The following GRID1 variants were observed in gnomAD, a reference collection of about 807,000 sequenced individuals.
GRID1 encodes the protein glutamate ionotropic receptor delta type subunit 1.
A neutral mutation model predicts 98.0 loss-of-function variants in GRID1; 28 were observed. The observed-to-expected ratio is 0.29, with a 90% CI of 0.21 to 0.39. GRID1 has a LOEUF of 0.39. GRID1 is among the 10% of genes least tolerant of loss of function. The pLI, the probability that GRID1 is intolerant of heterozygous loss-of-function variation, is 1.00. For missense variants in GRID1, 1,111 were observed against 1,340.5 expected (o/e 0.83, Z 2.67); for synonymous variants, 553 against 538.5 (o/e 1.03, Z -0.37).
At chr10:86,139,725 G>C (rs1245349552) in intron 3 of GRID1, among the ~76,000 whole-genome samples, 1 of 152,238 alleles carries the variant, frequency 6.6e-6, no homozygotes, top group African/African-American at 2.4e-5. Context: ...GGTTCAAGGA[G>C]GTACAGAGAG....
At chr10:86,332,162 G>A (rs1040320442) in intron 2 of GRID1, among the ~76,000 whole-genome samples, 3 of 152,222 alleles carry the variant, frequency 2.0e-5, no homozygotes, top group South Asian at 2.1e-4. Flanking sequence ...GCCCAGAGGG[G>A]CCGTCCCTGG....
At chr10:85,662,314 G>A (rs184265245) in intron 12 of GRID1, among the ~76,000 whole-genome samples, 6 of 152,292 alleles carry the variant, frequency 3.9e-5, no homozygotes, top group Admixed American at 2.6e-4. Flanking sequence ...TTCCTTCATG[G>A]GTTTGGCTAA....
chr10:86,230,766 A>C (rs558712199), intron 2 of GRID1, among the ~76,000 whole-genome samples: 4 of 152,144 alleles, frequency 2.6e-5, no homozygotes, highest in Non-Finnish European at 5.9e-5. Context: ...TTTCTCCCAG[A>C]TCTCTCCTCT....
chr10:85,613,387 G>A lies in GRID1; in HGVS notation c.2601+20C>T. 6.2e-7 allele frequency: 1 copy of A among 1,602,402 alleles called. No homozygotes were observed. The highest frequency in any genetic ancestry group is 1.1e-5 in the South Asian group (1 of 90,036). Reference sequence around the variant, plus strand: ...CTGCCTCTAGGCTGTGAAAGGGAGGGCAGGCCCCAGGGTGCTGACCTCCTT... The same window carrying A: ...CTGCCTCTAGGCTGTGAAAGGGAGGACAGGCCCCAGGGTGCTGACCTCCTT... On this transcript the variant is annotated intron_variant, in intron 15 of 15. Coordinates refer to ENST00000327946, the MANE Select transcript of GRID1 (RefSeq NM_017551.3).
intron 3 of GRID1, among the ~76,000 whole-genome samples, chr10:86,178,663 G>A (rs946022120): frequency 4.6e-5 from 7 of 152,104 alleles, no homozygotes; most frequent in East Asian, 1.9e-4. Context: ...TAAACTAAGC[G>A]ACTCCTCATT....
At chr10:86,059,911 T>C (rs1843626052) in intron 4 of GRID1, among the ~76,000 whole-genome samples, 1 of 152,150 alleles carries the variant, frequency 6.6e-6, no homozygotes, top group African/African-American at 2.4e-5. Context: ...ACTCTCCTAA[T>C]ATTATGCAAA....
At chr10:86,010,595 G>A (rs1252987421) in intron 4 of GRID1, among the ~76,000 whole-genome samples, 1 of 152,144 alleles carries the variant, frequency 6.6e-6, no homozygotes, top group Non-Finnish European at 1.5e-5. Context: ...GAGGAGAATG[G>A]ATTGCCTGAG....
intron 4 of GRID1, among the ~76,000 whole-genome samples, chr10:85,966,688 C>G (rs1436993046): frequency 6.6e-6 from 1 of 151,934 alleles, no homozygotes; most frequent in African/African-American, 2.4e-5. Context: ...GTGGTGTGTA[C>G]CTGTAATCCC....
chr10:85,813,540 CT>C (rs1291558436), intron 8 of GRID1, among the ~76,000 whole-genome samples: 13 of 150,620 alleles, frequency 8.6e-5, no homozygotes, highest in Non-Finnish European at 1.9e-4. Context: ...AACTTACAAT[CT>C]TCTCACAAGA....
chr10:85,639,931 C>T (rs536747482), intron 13 of GRID1, among the ~76,000 whole-genome samples: 1 of 152,298 alleles, frequency 6.6e-6, no homozygotes, highest in South Asian at 2.1e-4. Context: ...AGATAGTTTG[C>T]TGATGCCTGC....
At chr10:86,052,694 T>C (rs186190166) in intron 4 of GRID1, 44 of 151,818 alleles carry the variant, frequency 2.9e-4, no homozygotes, top group African/African-American at 9.7e-4. Context: ...AGAACAAACA[T>C]AGAGAAGAAG....
intron 4 of GRID1, among the ~76,000 whole-genome samples, chr10:85,925,780 G>A (rs1007912475): frequency 3.3e-5 from 5 of 152,176 alleles, no homozygotes; most frequent in African/African-American, 2.4e-5. Context: ...GGGTACATCC[G>A]CTGGGAGAAT....
chr10:85,753,632 G>A (rs2949375), intron 8 of GRID1, among the ~76,000 whole-genome samples: 63,740 of 152,080 alleles, frequency 0.42, 14,451 homozygotes, highest in East Asian at 0.74. Context: ...TCAGTTGTGG[G>A]ATACTCCATT....
chr10:86,124,500 T>A (rs907330320), intron 4 of GRID1, among the ~76,000 whole-genome samples: 2 of 152,192 alleles, frequency 1.3e-5, no homozygotes, highest in Non-Finnish European at 2.9e-5. Flanking sequence ...AAACGCCTAC[T>A]TCTTGGCATC....
chr10:85,975,145 G>C (rs1160471661), intron 4 of GRID1, among the ~76,000 whole-genome samples: 1 of 152,170 alleles, frequency 6.6e-6, no homozygotes, highest in African/African-American at 2.4e-5. Flanking sequence ...CTCTACATGT[G>C]GCTCTGTTAG....
At chr10:85,724,828 A>C in intron 10 of GRID1, 152 bp from the exon 11 acceptor site, 1 of 599,836 alleles carries the variant, frequency 1.7e-6, no homozygotes, top group Non-Finnish European at 2.9e-6. Flanking sequence ...TATTATAAGG[A>C]AAATCCAACA....
intron 8 of GRID1, among the ~76,000 whole-genome samples, chr10:85,765,877 A>G (rs925228179): frequency 1.3e-5 from 2 of 152,172 alleles, no homozygotes; most frequent in East Asian, 3.9e-4. Context: ...AAATTTTAGG[A>G]AGCTAAGTTT....
chr10:86,173,822 G>A (rs11817687), intron 3 of GRID1, among the ~76,000 whole-genome samples: 23,292 of 147,694 alleles, frequency 0.16, 2,525 homozygotes, highest in African/African-American at 0.31. Context: ...GAGAATATGC[G>A]GTGTTTGGTT....
chr10:86,341,303 T>C (rs774859307), intron 2 of GRID1, among the ~76,000 whole-genome samples: 29 of 152,252 alleles, frequency 1.9e-4, no homozygotes, highest in Non-Finnish European at 1.0e-4. Flanking sequence ...CAGGGAGCTC[T>C]GGATGCCCCA....
Sources: allele counts gnomAD v4.1 joint callset (sites outside exome capture counted in the v4.1 genomes callset), GRCh38; gene constraint gnomAD v4.1.1; transcripts MANE v1.5; gene names NCBI Gene and HGNC (gene_info 2026-07-23, HGNC 2026-07-21).